The following NFYC variants were observed in gnomAD, a reference collection of about 807,000 sequenced individuals.
The protein encoded by NFYC is CAAT box DNA-binding protein subunit C.
NFYC carries 25 observed loss-of-function variants against 53.1 expected under a neutral mutation model. That is an observed-to-expected ratio of 0.47 (90% confidence interval 0.34 to 0.66). The LOEUF is 0.66. Ranked by LOEUF, NFYC falls within the 30% of genes least tolerant of loss-of-function variation. The probability of loss-of-function intolerance (pLI) is 0.01; values close to 1 mark genes in which losing one functional copy is unlikely to be tolerated. For missense variants in NFYC, 260 were observed against 422.7 expected (o/e 0.62, Z 3.38); for synonymous variants, 145 against 152.6 (o/e 0.95, Z 0.37).
At position 40,770,909 on chromosome 1, in the gene NFYC, C is replaced by A. The variant is rs35770732; in HGVS notation, c.*81C>A. ...AGGCAATGGGCACAGCCTTCCTCCCCAGAGGACCCGGCCGACCTCAGCGCC... is the reference window on the plus strand; with the variant it reads ...AGGCAATGGGCACAGCCTTCCTCCCAAGAGGACCCGGCCGACCTCAGCGCC... On this transcript the variant is annotated 3_prime_UTR_variant, in exon 10 of 10. Coordinates refer to ENST00000447388, the MANE Select transcript of NFYC (RefSeq NM_014223.5). This position sits in a 1 kb window ranked among gnomAD's most constrained non-coding sequence, Gnocchi z 5.3. 20,638 of 1,500,888 alleles carry A rather than the reference C, an allele frequency of 0.014. 206 individuals carry two copies. Among genetic ancestry groups the A allele is most frequent in the Non-Finnish European group, 0.017 (18,605 of 1,101,282 alleles). The allele number at this position is 1,500,888 out of a possible 1,614,324, so 93.0% of individuals were successfully genotyped here. A position where few individuals can be genotyped will look rare whatever the true frequency, so the allele number is the denominator to read the frequency against.
chr1:40,749,310 C>G (rs1174958779), intron 3 of NFYC, among the ~76,000 whole-genome samples: 1 of 152,122 alleles, frequency 6.6e-6, no homozygotes, highest in Non-Finnish European at 1.5e-5. Context: ...CTCTTGACCC[C>G]TAGTTTCTTT....
chr1:40,707,812 A>C (rs987029682), intron 1 of NFYC, among the ~76,000 whole-genome samples: 2 of 150,038 alleles, frequency 1.3e-5, no homozygotes, highest in Non-Finnish European at 3.0e-5. Flanking sequence ...ACACCCCAGC[A>C]ACACCCCAGC....
chr1:40,751,110 A>G lies in NFYC; in HGVS notation c.291+1424A>G, dbSNP rs543126968. On this transcript the variant is annotated intron_variant, in intron 4 of 9. Coordinates refer to ENST00000447388, the MANE Select transcript of NFYC (RefSeq NM_014223.5). ...TTAACAACCTTGTTTATACTACCTC[A>G]AAACTGGAAACAACTCAAGTGTCCA... 2.4e-3 allele frequency among the ~76,000 whole-genome samples: 367 copies of G among 152,346 alleles called. 5 individuals are homozygous for G. Among genetic ancestry groups the G allele is most frequent in the Non-Finnish European group, 3.0e-3 (204 of 68,022 alleles).
At chr1:40,754,516 T>G (rs1570660843) in intron 5 of NFYC, 1 of 469,928 alleles carries the variant, frequency 2.1e-6, no homozygotes, top group East Asian at 6.1e-5. Context: ...ATTCCTCCTC[T>G]TGGGGGTCCT....
chr1:40,770,918 C>T lies in NFYC; in HGVS notation c.*90C>T, dbSNP rs1161723333. ...GCACAGCCTTCCTCCCCAGAGGACC[C>T]GGCCGACCTCAGCGCCTCCTGCAGG... On this transcript the variant is annotated 3_prime_UTR_variant, in exon 10 of 10. Coordinates refer to ENST00000447388, the MANE Select transcript of NFYC (RefSeq NM_014223.5). The surrounding 1 kb of genome is among the most constrained non-coding windows in gnomAD (Gnocchi z 5.3). 7.7e-6 allele frequency: 11 copies of T among 1,424,764 alleles called. No individual in the cohort carries two copies. The highest frequency in any genetic ancestry group is 2.3e-5 in the East Asian group (1 of 43,798). 88.3% of individuals were successfully genotyped at this position (1,424,764 alleles called of 1,614,324 possible). A position where few individuals can be genotyped will look rare whatever the true frequency, so the allele number is the denominator to read the frequency against.
At chr1:40,715,114 A>G (rs1644082646) in intron 1 of NFYC, among the ~76,000 whole-genome samples, 1 of 147,268 alleles carries the variant, frequency 6.8e-6, no homozygotes, top group Non-Finnish European at 1.5e-5. Flanking sequence ...ATAAATAAAT[A>G]ATAATTTGGC....
At chr1:40,766,886 A>G in intron 8 of NFYC, 183 bp downstream of exon 8, 1 of 1,551,156 alleles carries the variant, frequency 6.4e-7, no homozygotes, top group Non-Finnish European at 8.7e-7. Flanking sequence ...CATTAGATTC[A>G]AAGTGTTTTC....
intron 7 of NFYC, 58 bp downstream of exon 7, chr1:40,763,104 A>T: frequency 7.1e-7 from 1 of 1,411,008 alleles, no homozygotes; most frequent in Non-Finnish European, 9.5e-7. Flanking sequence ...ACTTAAAGAT[A>T]TATATACCTT....
intron 8 of NFYC, 25 bp downstream of exon 8, chr1:40,766,728 C>T (rs2148799772): frequency 6.2e-7 from 1 of 1,602,868 alleles, no homozygotes; most frequent in East Asian, 2.2e-5. Flanking sequence ...GACACAAGGC[C>T]TGTGTTGGAG....
intron 5 of NFYC, among the ~76,000 whole-genome samples, chr1:40,755,216 GGATGT>G (rs1367773171): frequency 6.6e-6 from 1 of 152,208 alleles, no homozygotes; most frequent in African/African-American, 2.4e-5. Flanking sequence ...GATGGCCCTA[GGATGT>G]GATGCTGCTC....
At chr1:40,703,159 G>T (rs2148424483) in intron 1 of NFYC, among the ~76,000 whole-genome samples, 1 of 152,048 alleles carries the variant, frequency 6.6e-6, no homozygotes, top group Non-Finnish European at 1.5e-5. Flanking sequence ...ACTTAAAATA[G>T]AAAGATTTGA....
chr1:40,697,054 T>C (rs1224504214), intron 1 of NFYC, among the ~76,000 whole-genome samples: 1 of 152,254 alleles, frequency 6.6e-6, no homozygotes, highest in African/African-American at 2.4e-5. Flanking sequence ...GGAAGAGTTC[T>C]GTCTCTGCAG....
chr1:40,721,510 C>T (rs948199246), intron 1 of NFYC: 4 of 152,044 alleles, frequency 2.6e-5, no homozygotes, highest in Admixed American at 2.6e-4. Flanking sequence ...GGCACGTACT[C>T]CTAGCTTGTG....
chr1:40,692,668 T>A (rs187680000), intron 1 of NFYC, among the ~76,000 whole-genome samples: 32 of 152,064 alleles, frequency 2.1e-4, no homozygotes, highest in African/African-American at 7.7e-4. Flanking sequence ...AACACTGAGG[T>A]TTTGGTGGAG....
intron 1 of NFYC, among the ~76,000 whole-genome samples, chr1:40,737,873 A>G (rs1483944700): frequency 1.3e-5 from 2 of 151,746 alleles, no homozygotes; most frequent in East Asian, 3.9e-4. Flanking sequence ...TGTCTAAAAC[A>G]AAAGAAGAAA....
intron 2 of NFYC, among the ~76,000 whole-genome samples, chr1:40,746,508 C>T (rs147660215): frequency 6.6e-6 from 1 of 152,128 alleles, no homozygotes; most frequent in African/African-American, 2.4e-5. Flanking sequence ...TATGCTCCTT[C>T]CATAATGTGA....
intron 1 of NFYC, among the ~76,000 whole-genome samples, chr1:40,698,490 G>GACCTCGGCTCACTGCA (rs1450656313): frequency 2.6e-5 from 4 of 151,476 alleles, no homozygotes; most frequent in Non-Finnish European, 5.9e-5. Flanking sequence ...GCAGTGACAT[G>GACCTCGGCTCACTGCA]ACCTCGGCTC....
chr1:40,742,215 CTT>C (rs879874907), intron 2 of NFYC, among the ~76,000 whole-genome samples: 3 of 144,040 alleles, frequency 2.1e-5, no homozygotes. Flanking sequence ...CTGGCCTATC[CTT>C]TTTTTTTTTT....
intron 1 of NFYC, among the ~76,000 whole-genome samples, chr1:40,705,413 G>A (rs1643648487): frequency 6.6e-6 from 1 of 152,032 alleles, no homozygotes; most frequent in African/African-American, 2.4e-5. Context: ...CTCTTCCCAG[G>A]ATGGGAGTAG....
Sources: gnomAD v4.1 joint callset for allele counts (sites outside exome capture counted in the v4.1 genomes callset) on GRCh38, gnomAD v4.1.1 for gene constraint, Gnocchi (gnomAD v3.1) non-coding constraint, MANE v1.5 for transcripts, NCBI Gene and HGNC (gene_info 2026-07-23, HGNC 2026-07-21) for gene names.